The following PID1 variants were observed in gnomAD, a reference collection of about 807,000 sequenced individuals.
The protein encoded by PID1 is PTB-containing, cubilin and LRP1-interacting protein.
In PID1, 10 loss-of-function variants were observed where a neutral mutation model predicts 19.1. That is an observed-to-expected ratio of 0.52 (90% CI 0.32 to 0.89). The LOEUF (loss-of-function observed/expected upper bound fraction) is 0.89. Among genes scored for constraint, PID1 ranks in the 40% least tolerant of loss-of-function variants. The pLI, the probability that PID1 is intolerant of heterozygous loss-of-function variation, is 0.03. For missense variants in PID1, 248 were observed against 285.3 expected (o/e 0.87, Z 0.94); for synonymous variants, 130 against 116.0 (o/e 1.12, Z -0.78).
intron 2 of PID1, among the ~76,000 whole-genome samples, chr2:229,065,196 T>C (rs1694297418): frequency 6.6e-6 from 1 of 152,208 alleles, no homozygotes; most frequent in African/African-American, 2.4e-5. Flanking sequence ...TTTAAGTACC[T>C]GAAGGAAACT....
At chr2:229,034,113 G>A (rs1693611147) in intron 2 of PID1, among the ~76,000 whole-genome samples, 1 of 152,152 alleles carries the variant, frequency 6.6e-6, no homozygotes, top group Non-Finnish European at 1.5e-5. Context: ...CAAGCTTTAA[G>A]CCACGAAGAA....
At chr2:229,117,394 G>T (rs185510800) in intron 2 of PID1, among the ~76,000 whole-genome samples, 14 of 152,132 alleles carry the variant, frequency 9.2e-5, no homozygotes, top group Admixed American at 6.6e-4. Flanking sequence ...GATGTACCAT[G>T]CTTGTATCCC....
At chr2:229,027,693 G>C (rs1693455920) in intron 2 of PID1, among the ~76,000 whole-genome samples, 1 of 152,206 alleles carries the variant, frequency 6.6e-6, no homozygotes, top group South Asian at 2.1e-4. Flanking sequence ...CTAAAAAGGA[G>C]GAGGGAAACA....
intron 1 of PID1, among the ~76,000 whole-genome samples, chr2:229,230,513 C>T (rs969371828): frequency 2.6e-5 from 4 of 152,208 alleles, no homozygotes; most frequent in Admixed American, 6.5e-5. Flanking sequence ...CTGTGAATAA[C>T]TCCTATAAGC....
At chr2:229,150,243 A>G (rs1299786254) in intron 2 of PID1, among the ~76,000 whole-genome samples, 1 of 149,006 alleles carries the variant, frequency 6.7e-6, no homozygotes, top group Non-Finnish European at 1.5e-5. Context: ...AAAAAAAAAA[A>G]AGGAGAGAGA....
rs548103850 is a variant in PID1 at position 229,185,962 on chromosome 2, G to A, written c.31-29998C>T. Among the ~76,000 whole-genome samples the A allele has an allele frequency of 6.4e-4, 97 of 152,246 alleles. 1 individual carries two copies. Among genetic ancestry groups the A allele is most frequent in the Admixed American group, 6.0e-3 (92 of 15,284 alleles). On this transcript the variant is annotated intron_variant, in intron 1 of 2. Coordinates refer to ENST00000392055, the MANE Select transcript of PID1 (RefSeq NM_001100818.2). The stretch of plus-strand genomic sequence containing the variant: ...GACAAGTCAGGTCCCTTCTGCCTAC[G>A]AGCCTGTAAAATCAAAAGCAAGTTA...
At chr2:229,041,524 G>T (rs537334006) in intron 2 of PID1, among the ~76,000 whole-genome samples, 1 of 152,144 alleles carries the variant, frequency 6.6e-6, no homozygotes, top group African/African-American at 2.4e-5. Context: ...GAAAATCACC[G>T]TTTGACTCCC....
intron 1 of PID1, among the ~76,000 whole-genome samples, chr2:229,211,290 A>G (rs1196658066): frequency 2.0e-5 from 3 of 151,956 alleles, no homozygotes; most frequent in Non-Finnish European, 4.4e-5. Flanking sequence ...GGCGTCCCAC[A>G]TGATCTAATA....
intron 2 of PID1, among the ~76,000 whole-genome samples, chr2:229,114,017 GGAA>G (rs933987849): frequency 2.6e-5 from 4 of 152,096 alleles, no homozygotes; most frequent in Non-Finnish European, 4.4e-5. Context: ...TGACGTCCCT[GGAA>G]GAAGAAGTAA....
At chr2:229,267,240 T>G (rs1690613558) in intron 1 of PID1, among the ~76,000 whole-genome samples, 1 of 152,208 alleles carries the variant, frequency 6.6e-6, no homozygotes, top group Non-Finnish European at 1.5e-5. Context: ...TTCACTGTGT[T>G]TCTCCCTCTT....
At chr2:229,139,115 G>GCA (rs1553565807) in intron 2 of PID1, among the ~76,000 whole-genome samples, 2 of 48,054 alleles carry the variant, frequency 4.2e-5, no homozygotes, top group East Asian at 7.6e-4. Context: ...AAGAAAGAAA[G>GCA]AGAAAGAAAG....
rs567998796 is a variant in PID1 at position 229,132,681 on chromosome 2, T to C, written c.177+23137A>G. ...CATATTACACAGAGGCATATAATTTTATGAGACAAACTCTTTAATTCCAAT... is the reference window on the plus strand; with the variant it reads ...CATATTACACAGAGGCATATAATTTCATGAGACAAACTCTTTAATTCCAAT... On this transcript the variant is annotated intron_variant, in intron 2 of 2. Coordinates refer to ENST00000392055, the MANE Select transcript of PID1 (RefSeq NM_001100818.2). 3.9e-5 allele frequency among the ~76,000 whole-genome samples: 6 copies of C among 152,368 alleles called. No homozygotes were observed. In the South Asian group the frequency reaches 1.2e-3, roughly 32 times the overall value.
intron 2 of PID1, among the ~76,000 whole-genome samples, chr2:229,093,919 G>T (rs1255907581): frequency 6.6e-6 from 1 of 152,146 alleles, no homozygotes; most frequent in Non-Finnish European, 1.5e-5. Flanking sequence ...CCACTTTCAT[G>T]ACTTCTGTTC....
intron 1 of PID1, among the ~76,000 whole-genome samples, chr2:229,205,895 G>A (rs1253970210): frequency 6.6e-6 from 1 of 152,094 alleles, no homozygotes; most frequent in East Asian, 1.9e-4. Flanking sequence ...ATTAATCCCA[G>A]CTATGATAAT....
At chr2:229,173,223 G>T (rs1273153270) in intron 1 of PID1, among the ~76,000 whole-genome samples, 1 of 152,084 alleles carries the variant, frequency 6.6e-6, no homozygotes, top group African/African-American at 2.4e-5. Context: ...AACCTACATG[G>T]GTAGGACCTA....
At chr2:229,115,522 C>T (rs1291797604) in intron 2 of PID1, among the ~76,000 whole-genome samples, 1 of 151,886 alleles carries the variant, frequency 6.6e-6, no homozygotes, top group Non-Finnish European at 1.5e-5. Context: ...CTGTAAACTA[C>T]ACATTTTAAA....
chr2:229,153,999 A>C (rs1321024220), intron 2 of PID1, among the ~76,000 whole-genome samples: 1 of 152,180 alleles, frequency 6.6e-6, no homozygotes, highest in African/African-American at 2.4e-5. Context: ...TCACTTTCAA[A>C]TTTATAATTC....
Position 229,163,698 on chromosome 2 carries a change from TACTC to T in PID1, c.31-7738_31-7735del, listed in dbSNP as rs759281631. 1.1e-3 allele frequency among the ~76,000 whole-genome samples: 166 copies of T among 147,254 alleles called. 2 individuals are homozygous for T. The highest frequency in any genetic ancestry group is 9.5e-4 in the Admixed American group (14 of 14,662). ...GTGCGTGTGCGTGTGTGTGTGTGTATACTCACTAATTCATTGATTTTGTCACTGA... is the reference window on the plus strand; with the variant it reads ...GTGCGTGTGCGTGTGTGTGTGTGTATACTAATTCATTGATTTTGTCACTGA... On this transcript the variant is annotated intron_variant, in intron 1 of 2. Transcript: ENST00000392055.
chr2:229,054,659 C>T (rs925668598), intron 2 of PID1, among the ~76,000 whole-genome samples: 1 of 133,570 alleles, frequency 7.5e-6, no homozygotes, highest in African/African-American at 2.9e-5. Context: ...GAGTATTTTA[C>T]AACTGCTGCA....
Sources: gnomAD v4.1 joint callset for allele counts (sites outside exome capture counted in the v4.1 genomes callset) on GRCh38, gnomAD v4.1.1 for gene constraint, MANE v1.5 for transcripts, NCBI Gene and HGNC (gene_info 2026-07-23, HGNC 2026-07-21) for gene names.